The following SGO1 variants were observed in gnomAD, a reference collection of about 807,000 sequenced individuals.
SGO1 encodes the protein serologically defined breast cancer antigen NY-BR-85.
In SGO1, 39 loss-of-function variants were observed where a neutral mutation model predicts 50.5. That is an observed-to-expected ratio of 0.77 (90% CI 0.60 to 1.01). SGO1 has a LOEUF of 1.01. Among genes scored for constraint, SGO1 ranks in the 50% least tolerant of loss-of-function variants. The probability of loss-of-function intolerance (pLI) is 0.00; values close to 1 mark genes in which losing one functional copy is unlikely to be tolerated. For synonymous variants in SGO1, 191 were observed against 205.1 expected, an observed-to-expected ratio of 0.93 and a Z score of 0.59; for missense variants, 638 against 606.0, an observed-to-expected ratio of 1.05 and a Z score of -0.55.
chr3:20,183,244 C>G (rs1702227820), intron 3 of SGO1, among the ~76,000 whole-genome samples: 1 of 152,192 alleles, frequency 6.6e-6, no homozygotes, highest in Non-Finnish European at 1.5e-5. Flanking sequence ...TTGATTAAAA[C>G]TTTTGGATAA....
At position 20,174,950 on chromosome 3, in the gene SGO1, C is replaced by G. The variant is rs772789559; in HGVS notation, c.581G>C (p.Ser194Thr). The G allele has an allele frequency of 6.2e-7, 1 of 1,613,994 alleles. No homozygotes were observed. The highest frequency in any genetic ancestry group is 8.5e-7 in the Non-Finnish European group (1 of 1,179,938). The part of the protein sequence containing the change: ...VLPRTVSVRS[S>T]LKKHCNSICQ... The stretch of plus-strand genomic sequence containing the variant: ...TATACTGTTACAATGTTTCTTTAAA[C>G]TGCTACGAACAGATACAGTTCTAGG... Residue 194 changes from serine (S) to threonine (T), a missense_variant, in exon 6 of 8, where the codon AGT (serine) becomes ACT (threonine). Transcript: ENST00000412997.
chr3:20,162,941 T>C (rs1700114774), intron 8 of SGO1, among the ~76,000 whole-genome samples: 1 of 151,978 alleles, frequency 6.6e-6, no homozygotes, highest in South Asian at 2.1e-4. Flanking sequence ...CAGAAAATAC[T>C]TTAGACTAAA....
In SGO1 at chr3:20,171,187, T is replaced by G. The variant is rs929473727; in HGVS notation, c.1328A>C (p.Asp443Ala). 4 of 1,610,890 alleles carry G rather than the reference T, an allele frequency of 2.5e-6. No individual in the cohort carries two copies. The East Asian group carries it at 8.9e-5, about 36-fold the overall frequency. ...TQQSPHLSLKDITNVSLYPVV... is the reference protein window; with the variant it reads ...TQQSPHLSLKAITNVSLYPVV... ...AGGATACAAGGAGACATTGGTGATA[T>G]CCTTCAGGCTAAGATGAGGTGACTG... is the stretch of plus-strand genomic sequence containing the variant. The change falls in exon 7 of 8, where the codon GAT becomes GCT. Residue 443 changes from aspartate to alanine, a missense_variant. Transcript: ENST00000412997.
At chr3:20,177,195 T>C (rs559448382) in intron 4 of SGO1, 2 of 152,382 alleles carry the variant, frequency 1.3e-5, no homozygotes, top group African/African-American at 4.8e-5. Flanking sequence ...CTAATTGTAA[T>C]TTTATTCTTT....
chr3:20,179,031 G>C (rs555284421), intron 3 of SGO1, among the ~76,000 whole-genome samples: 1 of 152,198 alleles, frequency 6.6e-6, no homozygotes, highest in African/African-American at 2.4e-5. Context: ...GCTAAGATTA[G>C]AGTCATGGCT....
At chr3:20,186,308 G>C (rs1702670035), upstream of SGO1, 1 of 152,272 alleles carries the variant, frequency 6.6e-6, no homozygotes, top group Non-Finnish European at 1.5e-5. Flanking sequence ...GCCCCGCCAG[G>C]CGACGTCACG....
downstream of SGO1, chr3:20,169,454 ATATT>A (rs1254951929): frequency 1.0e-6 from 1 of 983,130 alleles, no homozygotes; most frequent in East Asian, 1.1e-4. Flanking sequence ...TCTATTTTTG[ATATT>A]TAAAGAATAG....
downstream of SGO1, among the ~76,000 whole-genome samples, chr3:20,168,085 T>C (rs907634093): frequency 1.3e-5 from 2 of 152,160 alleles, no homozygotes; most frequent in South Asian, 4.1e-4. Context: ...TGTTAAGATA[T>C]AAAACAATAC....
downstream of SGO1, chr3:20,169,015 T>C (rs1286547165): frequency 1.0e-6 from 1 of 983,916 alleles, no homozygotes; most frequent in African/African-American, 1.8e-5. Flanking sequence ...AAAGAATAAG[T>C]ATGAAGGGAG....
At chr3:20,168,995 C>T (rs1329014249), downstream of SGO1, 1 of 984,388 alleles carries the variant, frequency 1.0e-6, no homozygotes, top group African/African-American at 1.8e-5. Flanking sequence ...TCTAGTGTTT[C>T]CATGAAATTA....
chr3:20,186,857 C>T (rs548437240), upstream of SGO1, among the ~76,000 whole-genome samples: 3 of 152,214 alleles, frequency 2.0e-5, no homozygotes, highest in African/African-American at 7.2e-5. Flanking sequence ...ATCTTCTCAA[C>T]TCTGCTTTCC....
chr3:20,160,995 A>C (rs1243592060), exon 9 of SGO1: 4 of 1,501,322 alleles, frequency 2.7e-6, no homozygotes, highest in Non-Finnish European at 3.6e-6. Context: ...GACTGTCAAC[A>C]CCCCTCCATC....
Position 20,174,570 on chromosome 3 carries a change from G to A in SGO1, c.961C>T (p.Pro321Ser), listed in dbSNP as rs115863450. The change falls in exon 6 of 8, where the codon CCC becomes TCC. Residue 321 changes from proline (P) to serine (S), a missense_variant. Pro to Ser is a moderately conservative substitution (Grantham distance 74). Transcript: ENST00000412997. ...ENKSENKKTVPQKKMHKSVSS... is the reference protein window; with the variant it reads ...ENKSENKKTVSQKKMHKSVSS... ...ACAGATTTGTGCATTTTTTTTTGGG[G>A]AACAGTTTTTTTATTTTCGCTTTTA... 2,192 of 1,604,132 alleles carry A rather than the reference G, an allele frequency of 1.4e-3. 4 individuals are homozygous for A. The highest frequency in any genetic ancestry group is 2.3e-3 in the South Asian group (200 of 87,700).
At chr3:20,161,089 G>A in exon 9 of SGO1, 3 of 1,613,754 alleles carry the variant, frequency 1.9e-6, no homozygotes, top group South Asian at 1.1e-5. Context: ...TTCTAAGGAT[G>A]TGAAGCCCGT....
At chr3:20,180,904 A>AT (rs1701942578) in intron 3 of SGO1, among the ~76,000 whole-genome samples, 1 of 152,204 alleles carries the variant, frequency 6.6e-6, no homozygotes, top group South Asian at 2.1e-4. Flanking sequence ...AGGCCAGAGG[A>AT]TTGCTTGATA....
intron 1 of SGO1, 53 bp from the exon 2 acceptor site, chr3:20,184,087 T>C (rs1575262063): frequency 1.0e-5 from 14 of 1,406,528 alleles, no homozygotes; most frequent in Non-Finnish European, 1.3e-5. Context: ...AATATAAAAC[T>C]TAAAAAACAT....
At chr3:20,178,187 T>C in intron 4 of SGO1, 84 bp downstream of exon 4, 1 of 935,880 alleles carries the variant, frequency 1.1e-6, no homozygotes, top group East Asian at 2.4e-5. Context: ...AGAGTTGACA[T>C]GATGCACATT....
intron 4 of SGO1, among the ~76,000 whole-genome samples, chr3:20,177,062 T>C (rs541119376): frequency 1.8e-4 from 27 of 152,368 alleles, no homozygotes; most frequent in South Asian, 6.2e-4. Context: ...TATGCTTTTA[T>C]GGTGCTTAAC....
downstream of SGO1, among the ~76,000 whole-genome samples, chr3:20,167,268 ATATGGTTTAAAGACCT>A (rs1466301471): frequency 6.6e-6 from 1 of 152,224 alleles, no homozygotes; most frequent in Non-Finnish European, 1.5e-5. Flanking sequence ...AATAAATGCC[ATATGGTTTAAAGACCT>A]TAAAGTGAAA....
Sources: allele counts gnomAD v4.1 joint callset (sites outside exome capture counted in the v4.1 genomes callset), GRCh38; gene constraint gnomAD v4.1.1; transcripts MANE v1.5; gene names NCBI Gene and HGNC (gene_info 2026-07-23, HGNC 2026-07-21).